Variants in USP4 observed in about 807,000 individuals in gnomAD.
USP4 encodes the protein ubiquitin specific peptidase 4, also known as ubiquitin carboxyl-terminal hydrolase 4.
USP4 carries 72 observed loss-of-function variants against 118.2 expected under a neutral mutation model. The observed-to-expected ratio is 0.61, with a 90% CI of 0.50 to 0.74. The LOEUF is 0.74. USP4 is among the 30% of genes least tolerant of loss of function. USP4 has a pLI of 0.00. For missense variants in USP4, 1,037 were observed against 1,185.7 expected, an observed-to-expected ratio of 0.87 and a Z score of 1.84; for synonymous variants, 415 against 440.4, an observed-to-expected ratio of 0.94 and a Z score of 0.72.
chr3:49,333,500 T>C (rs1457719261), intron 2 of USP4, among the ~76,000 whole-genome samples: 2 of 152,132 alleles, frequency 1.3e-5, no homozygotes, highest in Non-Finnish European at 2.9e-5. Flanking sequence ...TAGCTTTGAT[T>C]TGAAGTGAGA....
At chr3:49,306,210 GT>G (rs57775959) in intron 8 of USP4, among the ~76,000 whole-genome samples, 5,126 of 137,248 alleles carry the variant, frequency 0.037, 231 homozygotes, top group African/African-American at 0.13. Flanking sequence ...GTTTTTTTTT[GT>G]TTTTTTTTTT....
intron 1 of USP4, among the ~76,000 whole-genome samples, chr3:49,336,728 G>A (rs1345063991): frequency 6.6e-6 from 1 of 151,404 alleles, no homozygotes; most frequent in African/African-American, 2.4e-5. Context: ...CTCCATGTTG[G>A]TCAGGACAGT....
At chr3:49,317,103 A>T in intron 6 of USP4, 2 of 1,332,702 alleles carry the variant, frequency 1.5e-6, no homozygotes, top group Non-Finnish European at 2.1e-6. Context: ...TGCCACCACT[A>T]CTTTTCTGGT....
intron 10 of USP4, among the ~76,000 whole-genome samples, chr3:49,302,014 T>C (rs143081019): frequency 6.6e-6 from 1 of 151,966 alleles, no homozygotes; most frequent in African/African-American, 2.4e-5. Context: ...CAGTGAAATA[T>C]CAAACAAGCT....
At chr3:49,320,097 T>A (rs1304868870) in intron 6 of USP4, among the ~76,000 whole-genome samples, 1 of 152,000 alleles carries the variant, frequency 6.6e-6, no homozygotes, top group Non-Finnish European at 1.5e-5. Context: ...TTAAAAAAAA[T>A]TTTGTAGAGA....
In USP4 at chr3:49,305,779, T is replaced by C. The variant is rs200375497; in HGVS notation, c.1064A>G (p.Tyr355Cys). The change falls in exon 9 of 22, where the codon TAT becomes TGT. Residue 355 changes from tyrosine (Y) to cysteine (C), a missense_variant. Tyr to Cys is a radical substitution (Grantham distance 194). This residue lies in a region of USP4 where 487 missense variants were observed against 534.1 expected (regional missense o/e 0.91). Coordinates refer to ENST00000265560, the MANE Select transcript of USP4 (RefSeq NM_003363.4). ...CCACATCTGCTTAATGAGTTCAGCA[T>C]AGGCTTCTGCAATTTCCCCTTTCAT... ...LGMKGEIAEA[Y>C]AELIKQMWSG... The C allele has an allele frequency of 1.9e-4, 310 of 1,614,122 alleles. No homozygotes were observed. Among genetic ancestry groups the C allele is most frequent in the Non-Finnish European group, 2.4e-4 (284 of 1,180,030 alleles).
intron 13 of USP4, 50 bp downstream of exon 13, chr3:49,297,820 T>C (rs1248914436): frequency 1.4e-6 from 2 of 1,442,612 alleles, no homozygotes; most frequent in Admixed American, 3.4e-5. Context: ...GCAAAGTCTC[T>C]AGAATGTGTC....
chr3:49,291,458 C>T (rs1226501724), intron 15 of USP4, among the ~76,000 whole-genome samples: 1 of 150,926 alleles, frequency 6.6e-6, no homozygotes, highest in Admixed American at 6.6e-5. Context: ...GCCTGTAATC[C>T]CTGCTACTTG....
intron 2 of USP4, among the ~76,000 whole-genome samples, chr3:49,333,849 A>G (rs912494297): frequency 2.0e-5 from 3 of 152,032 alleles, no homozygotes; most frequent in African/African-American, 7.2e-5. Flanking sequence ...GAGAAACCCC[A>G]TCTCTACTAA....
chr3:49,317,191 T>G (rs1575615094), intron 6 of USP4: 1 of 1,487,366 alleles, frequency 6.7e-7, no homozygotes, highest in East Asian at 2.3e-5. Context: ...CTCCAGCATC[T>G]TGAGGTAGGT....
At chr3:49,334,963 C>T (rs774345110) in intron 2 of USP4, among the ~76,000 whole-genome samples, 4 of 152,156 alleles carry the variant, frequency 2.6e-5, no homozygotes, top group Non-Finnish European at 5.9e-5. Context: ...TGTTACATGT[C>T]GCTTTTCCCA....
rs1559464345 is a variant in USP4, at chr3:49,284,471, G to A, written c.2385C>T (p.Asp795=). The change falls in exon 18 of 22, where the codon GAC becomes GAT. Residue 795 remains aspartate, a synonymous_variant. Transcript: ENST00000265560. The part of the protein sequence containing the change: ...FTTMETLGEH[D]PWYCPNCKKH... ...GACAGTGAGGAGCTGCGTACCAGGG[G>A]TCATGCTCCCCAAGGGTCTCCATGG... The A allele has an allele frequency of 6.2e-7, 1 of 1,613,096 alleles. No individual in the cohort carries two copies. The highest frequency in any genetic ancestry group is 8.5e-7 in the Non-Finnish European group (1 of 1,179,356).
intron 18 of USP4, 81 bp from the exon 19 acceptor site, chr3:49,284,217 A>AGCT: frequency 6.4e-7 from 1 of 1,555,808 alleles, no homozygotes; most frequent in Non-Finnish European, 8.8e-7. Context: ...GCACAGCTGC[A>AGCT]GTCCCCTGAT....
chr3:49,311,253 C>T (rs1216264231), intron 7 of USP4, among the ~76,000 whole-genome samples: 2 of 152,150 alleles, frequency 1.3e-5, no homozygotes, highest in Non-Finnish European at 2.9e-5. Flanking sequence ...TAAACAAATG[C>T]AGTGACCCCC....
chr3:49,300,132 G>A (rs545261796), intron 11 of USP4, among the ~76,000 whole-genome samples: 35 of 152,076 alleles, frequency 2.3e-4, no homozygotes, highest in African/African-American at 7.7e-4. Flanking sequence ...CTGTAATCCC[G>A]GCTACTGAGT....
intron 8 of USP4, 110 bp from the exon 9 acceptor site, chr3:49,305,998 A>G (rs2047310880): frequency 2.7e-6 from 3 of 1,116,552 alleles, no homozygotes; most frequent in Non-Finnish European, 3.7e-6. Context: ...AAAATGAGGC[A>G]CTCAGGAGAT....
intron 6 of USP4, chr3:49,311,857 C>T: frequency 7.9e-7 from 1 of 1,264,602 alleles, no homozygotes; most frequent in Non-Finnish European, 1.0e-6. Context: ...TCACATCAGT[C>T]CACACCACCA....
rs1213745586 is a variant in USP4 at position 49,327,678 on chromosome 3, T to A, written c.360+8A>T. 5.6e-6 allele frequency: 9 copies of A among 1,613,870 alleles called. No homozygotes were observed. Among genetic ancestry groups the A allele is most frequent in the Non-Finnish European group, 7.6e-6 (9 of 1,179,920 alleles). The stretch of plus-strand genomic sequence containing the variant: ...TGACCAGCAGGTGGGACAATTCACA[T>A]AACTCACTTTTCTGACGATGGGTTG... On this transcript the variant is annotated splice_region_variant and intron_variant, in intron 3 of 21. Coordinates refer to ENST00000265560, the MANE Select transcript of USP4 (RefSeq NM_003363.4).
At chr3:49,300,987 C>T (rs886950896) in intron 10 of USP4, among the ~76,000 whole-genome samples, 2 of 152,080 alleles carry the variant, frequency 1.3e-5, no homozygotes, top group Non-Finnish European at 2.9e-5. Context: ...CTTGCTCTGT[C>T]GCTCAGGCTG....
Sources: allele counts gnomAD v4.1 joint callset (sites outside exome capture counted in the v4.1 genomes callset), GRCh38; gene constraint gnomAD v4.1.1; regional missense constraint gnomAD v4.1.1; transcripts MANE v1.5; gene names NCBI Gene and HGNC (gene_info 2026-07-23, HGNC 2026-07-21).